Variants in CDHR1 observed in about 807,000 individuals in gnomAD.
The protein encoded by CDHR1 is cadherin-related family member 1.
A neutral mutation model predicts 72.1 loss-of-function variants in CDHR1; 61 were observed. That is an observed-to-expected ratio of 0.85 (90% CI 0.69 to 1.05). The LOEUF is 1.05. Among genes scored for constraint, CDHR1 ranks in the 50% least tolerant of loss-of-function variants. The pLI is 0.00. For missense variants in CDHR1, 1,186 were observed against 1,115.7 expected (o/e 1.06, Z -0.90); for synonymous variants, 470 against 448.1 (o/e 1.05, Z -0.62).
chr10:84,204,890 G>A (rs1341882331), intron 9 of CDHR1, among the ~76,000 whole-genome samples: 1 of 152,190 alleles, frequency 6.6e-6, no homozygotes, highest in Non-Finnish European at 1.5e-5. Context: ...TCCTTGATGG[G>A]AATGCGTGGC....
chr10:84,213,095 T>C lies in CDHR1; in HGVS notation c.1787T>C (p.Ile596Thr), dbSNP rs1322166018. The C allele has an allele frequency of 1.1e-5, 17 of 1,614,068 alleles. No homozygotes were observed. The highest frequency in any genetic ancestry group is 1.4e-5 in the Non-Finnish European group (16 of 1,180,028). ...VLGTPVKIEA[I>T]DEDAEEPNNL... is the part of the protein sequence containing the mutation. ...TCTGTCTCTCCCTGCGCACAGGCCATAGACGAGGATGCAGAGGAACCCAAC... is the reference window on the plus strand; with the variant it reads ...TCTGTCTCTCCCTGCGCACAGGCCACAGACGAGGATGCAGAGGAACCCAAC... The change falls in exon 16 of 17, where the codon ATA (isoleucine) becomes ACA (threonine). Residue 596 changes from isoleucine to threonine, a missense_variant. Transcript: ENST00000623527.
chr10:84,197,236 G>A (rs1027108936), intron 3 of CDHR1, among the ~76,000 whole-genome samples: 2 of 152,080 alleles, frequency 1.3e-5, no homozygotes, highest in African/African-American at 4.8e-5. Context: ...GAGGTCTCAG[G>A]GACTGCTGTG....
chr10:84,197,452 A>T (rs1340442599), intron 3 of CDHR1, among the ~76,000 whole-genome samples: 2 of 152,264 alleles, frequency 1.3e-5, no homozygotes, highest in Non-Finnish European at 2.9e-5. Context: ...AAAGAGGAAA[A>T]GTCTTTATGG....
In CDHR1 at chr10:84,218,002, G is replaced by A. The variant is rs908067334; in HGVS notation, c.*3381G>A. The A allele has an allele frequency of 5.5e-5, 54 of 985,352 alleles. No homozygotes were observed. The highest frequency in any genetic ancestry group is 9.4e-5 in the South Asian group (2 of 21,292). 61.0% of individuals were successfully genotyped at this position (985,352 alleles called of 1,614,324 possible). A position where few individuals can be genotyped will look rare whatever the true frequency, so the allele number is the denominator to read the frequency against. On this transcript the variant is annotated 3_prime_UTR_variant, in exon 17 of 17. Transcript: ENST00000623527. ...CATGCTCTGCTTCTCTAAGGATTTC[G>A]GTGATTCTATTTTTAGGGACTGAAG...
chr10:84,216,946 T>C lies in CDHR1; in HGVS notation c.*2325T>C. On this transcript the variant is annotated 3_prime_UTR_variant, in exon 17 of 17. Coordinates refer to ENST00000623527, the MANE Select transcript of CDHR1 (RefSeq NM_033100.4). ...TCCTAAAGACCTCTAGGCTGGAAGC[T>C]TGGGCTTGCAAGTGGATCCGGGACC... 1.0e-6 allele frequency: 1 copy of C among 985,448 alleles called. No individual in the cohort carries two copies. The highest frequency in any genetic ancestry group is 1.2e-6 in the Non-Finnish European group (1 of 829,944). The allele number at this position is 985,448 out of a possible 1,614,324, so 61.0% of individuals were successfully genotyped here. A position where few individuals can be genotyped will look rare whatever the true frequency, so the allele number is the denominator to read the frequency against.
At chr10:84,201,772 C>G (rs1842128523) in intron 6 of CDHR1, 35 bp from the exon 7 acceptor site, 1 of 1,564,378 alleles carries the variant, frequency 6.4e-7, no homozygotes, top group East Asian at 2.2e-5. Context: ...GGCCTGCATT[C>G]TTGCTGAGGT....
Position 84,215,455 on chromosome 10 carries a change from C to T in CDHR1, c.*834C>T. 1 of 985,302 alleles carries T rather than the reference C, an allele frequency of 1.0e-6. No homozygotes were observed. Among genetic ancestry groups the T allele is most frequent in the Non-Finnish European group, 1.2e-6 (1 of 829,818 alleles). 61.0% of individuals were successfully genotyped at this position (985,302 alleles called of 1,614,324 possible). ...ACCAGCCATCCTTGAAGAGACAATT[C>T]AGGGCAGTTGATGAATATCAGGGCT... On this transcript the variant is annotated 3_prime_UTR_variant, in exon 17 of 17. Transcript: ENST00000623527.
chr10:84,218,404 C>T lies in CDHR1; in HGVS notation c.*3783C>T. 1.0e-6 allele frequency: 1 copy of T among 985,404 alleles called. No individual in the cohort carries two copies. Among genetic ancestry groups the T allele is most frequent in the Non-Finnish European group, 1.2e-6 (1 of 829,918 alleles). The allele number at this position is 985,404 out of a possible 1,614,324, so 61.0% of individuals were successfully genotyped here. A position where few individuals can be genotyped will look rare whatever the true frequency, so the allele number is the denominator to read the frequency against. On this transcript the variant is annotated 3_prime_UTR_variant, in exon 17 of 17. Transcript: ENST00000623527. The stretch of plus-strand genomic sequence containing the variant: ...CCTGAATGAGGTTCGGTTATTTATT[C>T]ATTTCTCAATAATTTACTCAGCCAT...
intron 13 of CDHR1, 140 bp from the exon 14 acceptor site, chr10:84,211,508 G>A: frequency 2.6e-6 from 2 of 768,320 alleles, no homozygotes; most frequent in Admixed American, 2.0e-5. Flanking sequence ...ATCCCGGGCA[G>A]GTCTCTCCAC....
downstream of CDHR1, chr10:84,218,931 A>C (rs1842467354): frequency 1.9e-6 from 1 of 539,056 alleles, no homozygotes; most frequent in Non-Finnish European, 3.0e-6. Context: ...CTGAGGGTTT[A>C]CTATGTGCCA....
intron 4 of CDHR1, among the ~76,000 whole-genome samples, chr10:84,198,298 C>T (rs777421376): frequency 6.6e-6 from 1 of 152,242 alleles, no homozygotes; most frequent in Non-Finnish European, 1.5e-5. Context: ...ACAGTCAGAT[C>T]TGCCCACTCT....
In CDHR1 at chr10:84,211,138, AG is replaced by A. The variant is rs756678484; in HGVS notation, c.1463del (p.Gly488AlafsTer20). 46 of 1,614,192 alleles carry A rather than the reference AG, an allele frequency of 2.8e-5. No individual in the cohort carries two copies. The South Asian group carries it at 4.7e-4, about 17-fold the overall frequency. The stretch of plus-strand genomic sequence containing the variant: ...TTGCCAGGATTCCTGAGAACGCCCC[AG>A]GGGGCTCCAGCGTGGTGGCTGTCAC... ...YVARIPENAP[G>X]GSSVVAVTAV... On this transcript the variant is annotated frameshift_variant, in exon 13 of 17. Transcript: ENST00000623527. LOFTEE classifies it high-confidence loss of function.
rs367757135 is a variant in CDHR1, at chr10:84,214,331, G to T, written c.2290G>T (p.Ala764Ser). 9.9e-6 allele frequency: 16 copies of T among 1,614,032 alleles called. No individual in the cohort carries two copies. Among genetic ancestry groups the T allele is most frequent in the African/African-American group, 2.7e-5 (2 of 74,942 alleles). ...GCTCAAGTCCAAGAGCACCAAAGCC[G>T]CTACCAAGTTCATGCTCAAAGAGAA... ...EWLKSKSTKA[A>S]TKFMLKEKPP... Residue 764 changes from alanine (A) to serine (S), a missense_variant, in exon 17 of 17, where the codon GCT (alanine) becomes TCT (serine). Ala to Ser is a moderately conservative substitution (Grantham distance 99). Transcript: ENST00000623527.
In CDHR1 at chr10:84,216,814, A is replaced by G; in HGVS notation, c.*2193A>G. 1.0e-6 allele frequency: 1 copy of G among 985,504 alleles called. No homozygotes were observed. The highest frequency in any genetic ancestry group is 1.2e-6 in the Non-Finnish European group (1 of 829,962). 61.0% of individuals were successfully genotyped at this position (985,504 alleles called of 1,614,324 possible). ...AGGAATGGAACCTGGAGCTAGAATT[A>G]ATTGCCCACTCTCCCACCCTACCAG... On this transcript the variant is annotated 3_prime_UTR_variant, in exon 17 of 17. Transcript: ENST00000623527.
At chr10:84,219,321 TC>T (rs1236848200), downstream of CDHR1, 4 of 1,542,838 alleles carry the variant, frequency 2.6e-6, no homozygotes, top group South Asian at 4.8e-5. Flanking sequence ...ATTTTCCCTC[TC>T]CCTAAATTTC....
At chr10:84,205,753 C>T (rs139454352) in intron 9 of CDHR1, 74 bp from the exon 10 acceptor site, 187 of 970,264 alleles carry the variant, frequency 1.9e-4, no homozygotes, top group African/African-American at 1.2e-3. Context: ...CAATGCAGGA[C>T]GATCCTGTGG....
intron 5 of CDHR1, 50 bp downstream of exon 5, chr10:84,199,171 C>T (rs1158165060): frequency 1.4e-6 from 2 of 1,471,596 alleles, no homozygotes; most frequent in South Asian, 1.2e-5. Context: ...AGGCCCATAG[C>T]CTACCCCTGG....
chr10:84,209,894 C>A (rs1182654110), intron 12 of CDHR1, among the ~76,000 whole-genome samples: 1 of 152,108 alleles, frequency 6.6e-6, no homozygotes, highest in Non-Finnish European at 1.5e-5. Context: ...AAAGGCATAC[C>A]TTGTTTAAAA....
chr10:84,205,500 C>T (rs1374522275), intron 9 of CDHR1, among the ~76,000 whole-genome samples: 1 of 138,116 alleles, frequency 7.2e-6, no homozygotes, highest in Non-Finnish European at 1.5e-5. Flanking sequence ...CCTCCTGCTT[C>T]CTTTCTCTTT....
Sources: allele counts gnomAD v4.1 joint callset (sites outside exome capture counted in the v4.1 genomes callset), GRCh38; gene constraint gnomAD v4.1.1; transcripts MANE v1.5; gene names NCBI Gene and HGNC (gene_info 2026-07-23, HGNC 2026-07-21).